ZNF682: variants seen among roughly 807,000 people sequenced by gnomAD.
The protein encoded by ZNF682 is zinc finger protein 682.
Under a neutral mutation model 36.5 loss-of-function variants are expected in ZNF682, and 29 were observed. The ratio of observed to expected loss-of-function variants is 0.80; its 90% CI spans 0.59 to 1.08. The LOEUF is 1.08. ZNF682 is among the 50% of genes least tolerant of loss of function. The pLI is 0.00. For synonymous variants in ZNF682, 180 were observed against 197.0 expected (o/e 0.91, Z 0.72); for missense variants, 561 against 579.7 (o/e 0.97, Z 0.33).
At chr19:20,014,732 A>G (rs1414722757) in intron 3 of ZNF682, among the ~76,000 whole-genome samples, 2 of 150,484 alleles carry the variant, frequency 1.3e-5, no homozygotes, top group African/African-American at 4.9e-5. Flanking sequence ...GTGAGCCGAG[A>G]TTGCGCCACT....
At chr19:20,015,777 A>G in intron 3 of ZNF682, 1 of 398,038 alleles carries the variant, frequency 2.5e-6, no homozygotes, top group East Asian at 3.6e-5. Context: ...CACTTACATA[A>G]TACTAGGGAA....
At chr19:20,025,639 T>C (rs935497799) in intron 1 of ZNF682, among the ~76,000 whole-genome samples, 1 of 150,066 alleles carries the variant, frequency 6.7e-6, no homozygotes, top group African/African-American at 2.5e-5. Flanking sequence ...ATTGTGACAT[T>C]GCACTCAAAC....
chr19:20,017,580 G>A (rs12977293), intron 3 of ZNF682, among the ~76,000 whole-genome samples: 1 of 151,882 alleles, frequency 6.6e-6, no homozygotes, highest in African/African-American at 2.4e-5. Context: ...TTGACAGAAG[G>A]TAAGCAAGAA....
chr19:19,999,635 A>G (rs960333931), downstream of ZNF682, among the ~76,000 whole-genome samples: 2 of 151,714 alleles, frequency 1.3e-5, no homozygotes, highest in Non-Finnish European at 2.9e-5. Flanking sequence ...CCTGGGCTCC[A>G]GTGATTCTCC....
chr19:20,038,107 C>T (rs2088549908), intron 1 of ZNF682, among the ~76,000 whole-genome samples: 1 of 152,164 alleles, frequency 6.6e-6, no homozygotes, highest in African/African-American at 2.4e-5. Context: ...GATGCATTGC[C>T]CTGTGAAGTT....
At chr19:19,995,958 T>C (rs1012017845), downstream of ZNF682, among the ~76,000 whole-genome samples, 1 of 152,150 alleles carries the variant, frequency 6.6e-6, no homozygotes, top group South Asian at 2.1e-4. Context: ...GCTCCCTCAT[T>C]GTCATGGGGT....
intron 3 of ZNF682, among the ~76,000 whole-genome samples, chr19:20,016,790 G>A (rs996955686): frequency 2.6e-5 from 4 of 151,464 alleles, no homozygotes; most frequent in Non-Finnish European, 4.4e-5. Flanking sequence ...TATAAGAAAT[G>A]GTAAAGTAAA....
chr19:20,037,200 TA>T (rs953817849), intron 1 of ZNF682, among the ~76,000 whole-genome samples: 13 of 151,912 alleles, frequency 8.6e-5, no homozygotes, highest in Non-Finnish European at 1.8e-4. Context: ...TGTGTGCACA[TA>T]AAAAAAGGGT....
At chr19:20,026,332 G>A (rs2088431380) in intron 1 of ZNF682, among the ~76,000 whole-genome samples, 1 of 151,866 alleles carries the variant, frequency 6.6e-6, no homozygotes, top group Admixed American at 6.6e-5. Context: ...TCTGCATAGA[G>A]CTGATGGAAC....
At chr19:20,029,932 C>G (rs980758425) in intron 1 of ZNF682, among the ~76,000 whole-genome samples, 1 of 152,184 alleles carries the variant, frequency 6.6e-6, no homozygotes, top group Non-Finnish European at 1.5e-5. Context: ...AGGAGCCAAA[C>G]TCTGATCTCC....
At chr19:20,012,722 C>G (rs1484790464) in intron 3 of ZNF682, among the ~76,000 whole-genome samples, 1 of 144,420 alleles carries the variant, frequency 6.9e-6, no homozygotes, top group African/African-American at 2.6e-5. Flanking sequence ...GAACCGAGAT[C>G]GCGCCACTGC....
At chr19:20,007,303 C>T (rs1568538171) in intron 3 of ZNF682, 28 bp from the exon 4 acceptor site, 1 of 1,550,068 alleles carries the variant, frequency 6.5e-7, no homozygotes, top group South Asian at 1.2e-5. Context: ...CAAAATATCC[C>T]ACTTGTTATT....
At chr19:20,030,607 C>G (rs1005842285) in intron 1 of ZNF682, 11 of 152,118 alleles carry the variant, frequency 7.2e-5, no homozygotes, top group African/African-American at 2.7e-4. Flanking sequence ...ATAATAACAA[C>G]TCTTCTGTTC....
chr19:20,025,239 A>C (rs1215904086), intron 1 of ZNF682, among the ~76,000 whole-genome samples: 1 of 152,240 alleles, frequency 6.6e-6, no homozygotes. Flanking sequence ...CTAAAAAGAA[A>C]GGGAAGTTTG....
Position 20,024,280 on chromosome 19 carries a change from G to C in ZNF682, c.100C>G (p.Leu34Val), listed in dbSNP as rs1247383591. The C allele has an allele frequency of 2.5e-6, 4 of 1,614,022 alleles. No individual in the cohort carries two copies. The highest frequency in any genetic ancestry group is 3.4e-6 in the Non-Finnish European group (4 of 1,179,948). The change falls in exon 2 of 4, where the codon CTA becomes GTA. Residue 34 changes from leucine to valine, a missense_variant. Coordinates refer to ENST00000397165, the MANE Select transcript of ZNF682 (RefSeq NM_033196.3). ...AQQSLYRKVM[L>V]ENYRNLVSLG... ...GAGACCAGGTTTCTGTAGTTCTCTA[G>C]CATCACTTTCCTATACAAACTCTGC...
chr19:19,999,990 A>G (rs1272856625), downstream of ZNF682, among the ~76,000 whole-genome samples: 2 of 152,234 alleles, frequency 1.3e-5, no homozygotes, highest in Non-Finnish European at 2.9e-5. Flanking sequence ...AAGATAAACA[A>G]GGTTCTGACC....
intron 3 of ZNF682, 110 bp downstream of exon 3, chr19:20,022,894 A>T (rs965642858): frequency 2.2e-6 from 2 of 904,326 alleles, no homozygotes; most frequent in Non-Finnish European, 3.5e-6. Flanking sequence ...CACGTTCCTC[A>T]AAAATCATCT....
chr19:20,022,185 T>C (rs967656765), intron 3 of ZNF682, among the ~76,000 whole-genome samples: 7 of 145,518 alleles, frequency 4.8e-5, no homozygotes, highest in African/African-American at 7.6e-5. Context: ...AAAAAAAAAT[T>C]ATTAAAAAAA....
chr19:20,004,656 A>G lies in ZNF682; in HGVS notation c.*1349T>C, dbSNP rs573955248. On this transcript the variant is annotated 3_prime_UTR_variant, in exon 4 of 4. Transcript: ENST00000397165. ...CACACCTCATATTTCAGTGTCCTCAATCTTCTGTTGAAAAGTATGTAAATG... is the reference window on the plus strand; with the variant it reads ...CACACCTCATATTTCAGTGTCCTCAGTCTTCTGTTGAAAAGTATGTAAATG... The G allele has an allele frequency of 7.2e-5, 11 of 152,306 alleles. No homozygotes were observed. The highest frequency in any genetic ancestry group is 2.6e-4 in the African/African-American group (11 of 41,564). The allele number at this position is 152,306 out of a possible 1,614,324, so 9.4% of individuals were successfully genotyped here.
Sources: gnomAD v4.1 joint callset for allele counts (sites outside exome capture counted in the v4.1 genomes callset) on GRCh38, gnomAD v4.1.1 for gene constraint, MANE v1.5 for transcripts, NCBI Gene and HGNC (gene_info 2026-07-23, HGNC 2026-07-21) for gene names.